ERI1: variants seen among roughly 807,000 people sequenced by gnomAD.
ERI1 encodes the protein exoribonuclease 1, also known as 3'-5' exoribonuclease 1.
In ERI1, 39 loss-of-function variants were observed where a neutral mutation model predicts 39.7. That is an observed-to-expected ratio of 0.98 (90% CI 0.76 to 1.28). ERI1 has a LOEUF of 1.28. ERI1 is among the 50% of genes most tolerant of loss of function. ERI1 has a pLI of 0.00. For synonymous variants in ERI1, 204 were observed against 149.6 expected, an observed-to-expected ratio of 1.36 and a Z score of -2.65; for missense variants, 581 against 416.9, an observed-to-expected ratio of 1.39 and a Z score of -3.43.
chr8:9,081,113 C>T (rs928770660), intron 3 of ERI1, among the ~76,000 whole-genome samples: 3 of 152,164 alleles, frequency 2.0e-5, no homozygotes, highest in African/African-American at 7.2e-5. Flanking sequence ...AAAGCAGGGA[C>T]AACTGTCATT....
chr8:9,083,655 G>C (rs1799436143), intron 3 of ERI1, among the ~76,000 whole-genome samples: 1 of 151,814 alleles, frequency 6.6e-6, no homozygotes, highest in Admixed American at 6.6e-5. Flanking sequence ...AAAGCGGGGG[G>C]GAAGAATACT....
Position 9,094,549 on chromosome 8 carries a change from G to T in ERI1, n.300-21799G>T, listed in dbSNP as rs549403181. Among the ~76,000 whole-genome samples, 607 of 152,324 alleles carry T rather than the reference G, an allele frequency of 4.0e-3. 7 individuals carry two copies. The highest frequency in any genetic ancestry group is 6.2e-3 in the Non-Finnish European group (424 of 68,024). ...TGTTCCCTCTCCTTCTCTGTGTCCTGTGTGTTGATGGATGATGAGTTTCCA... is the reference window on the plus strand; with the variant it reads ...TGTTCCCTCTCCTTCTCTGTGTCCTTTGTGTTGATGGATGATGAGTTTCCA... On this transcript the variant is annotated intron_variant and non_coding_transcript_variant, in intron 3 of 3. Transcript: ENST00000518663.
chr8:9,042,106 C>T (rs916110992), intron 3 of ERI1, among the ~76,000 whole-genome samples: 3 of 152,128 alleles, frequency 2.0e-5, no homozygotes, highest in African/African-American at 7.2e-5. Context: ...CCAAACCCAC[C>T]TGGGGGAAAG....
At chr8:9,086,364 A>G (rs952311907) in intron 3 of ERI1, among the ~76,000 whole-genome samples, 1 of 151,992 alleles carries the variant, frequency 6.6e-6, no homozygotes, top group Non-Finnish European at 1.5e-5. Context: ...AGCCTGGGTA[A>G]TATGGCAAAA....
At chr8:9,044,390 G>C (rs1444287312) in intron 3 of ERI1, among the ~76,000 whole-genome samples, 1 of 152,092 alleles carries the variant, frequency 6.6e-6, no homozygotes, top group Non-Finnish European at 1.5e-5. Context: ...GAGGATGTGA[G>C]GAACAGAAGG....
At chr8:9,083,437 T>A (rs1799428898) in intron 3 of ERI1, among the ~76,000 whole-genome samples, 1 of 152,184 alleles carries the variant, frequency 6.6e-6, no homozygotes, top group Non-Finnish European at 1.5e-5. Flanking sequence ...CTGCTTTCGA[T>A]GCCTTATAAA....
At chr8:9,077,035 C>T (rs1455639117) in intron 3 of ERI1, among the ~76,000 whole-genome samples, 3 of 152,216 alleles carry the variant, frequency 2.0e-5, no homozygotes, top group Admixed American at 6.5e-5. Flanking sequence ...CTTCCCCTTC[C>T]AATGTACCTC....
chr8:9,093,154 T>C (rs1439551449), intron 3 of ERI1, among the ~76,000 whole-genome samples: 1 of 152,200 alleles, frequency 6.6e-6, no homozygotes, highest in Non-Finnish European at 1.5e-5. Flanking sequence ...ACAGCAGGGG[T>C]GACCAATCTT....
intron 1 of ERI1, chr8:9,004,320 T>C: frequency 9.1e-7 from 1 of 1,100,728 alleles, no homozygotes; most frequent in Non-Finnish European, 1.1e-6. Context: ...AAAATAAATT[T>C]CGAAGTTTAT....
chr8:9,035,044 G>A (rs1032316308), downstream of ERI1, among the ~76,000 whole-genome samples: 1 of 152,220 alleles, frequency 6.6e-6, no homozygotes, highest in Non-Finnish European at 1.5e-5. Context: ...TGAGGGTTGA[G>A]GGAGGTAAGG....
At position 9,029,897 on chromosome 8, in the gene ERI1, A is replaced by AT; in HGVS notation, c.914dup (p.Ala306SerfsTer10). ...TGATGACTCTAAGAATATCGCCCGA[A>AT]TAGCAGTTCGAATGCTTCAGGATGG... On this transcript the variant is annotated frameshift_variant, in exon 7 of 7. Transcript: ENST00000250263. LOFTEE classifies it high-confidence loss of function. 6.2e-7 allele frequency: 1 copy of AT among 1,614,214 alleles called. No individual in the cohort carries two copies. Among genetic ancestry groups the AT allele is most frequent in the Non-Finnish European group, 8.5e-7 (1 of 1,180,036 alleles).
At chr8:9,056,123 G>A (rs1190054854) in intron 3 of ERI1, among the ~76,000 whole-genome samples, 3 of 152,242 alleles carry the variant, frequency 2.0e-5, no homozygotes, top group Non-Finnish European at 4.4e-5. Flanking sequence ...GGTTCCTGGA[G>A]CTTCGAGGAG....
At chr8:9,049,698 G>A (rs1226406023) in intron 3 of ERI1, 4 of 152,138 alleles carry the variant, frequency 2.6e-5, no homozygotes, top group Non-Finnish European at 4.4e-5. Flanking sequence ...TCAGAAGCAT[G>A]CCCTTTGAAA....
chr8:9,023,905 TCTC>T (rs1368170587), intron 6 of ERI1, among the ~76,000 whole-genome samples: 2 of 148,658 alleles, frequency 1.3e-5, no homozygotes, highest in South Asian at 2.1e-4. Flanking sequence ...TTCAAGCAGT[TCTC>T]CTGCCTCAGC....
rs115502333 is a variant in ERI1, at chr8:9,080,747, C to G, written n.300-35601C>G. Among the ~76,000 whole-genome samples the G allele has an allele frequency of 4.7e-3, 721 of 152,256 alleles. 6 individuals are homozygous for G. Among genetic ancestry groups the G allele is most frequent in the African/African-American group, 0.017 (700 of 41,524 alleles). ...GGCCACTTCTTCATTTGCCCCTCCCCCAAGGCACCACTCTCTCGGCTCCTG... is the reference window on the plus strand; with the variant it reads ...GGCCACTTCTTCATTTGCCCCTCCCGCAAGGCACCACTCTCTCGGCTCCTG... On this transcript the variant is annotated intron_variant and non_coding_transcript_variant, in intron 3 of 3. Coordinates refer to the ERI1 transcript ENST00000518663.
intron 2 of ERI1, among the ~76,000 whole-genome samples, chr8:9,010,558 A>C (rs552947873): frequency 6.6e-6 from 1 of 152,346 alleles, no homozygotes; most frequent in African/African-American, 2.4e-5. Context: ...AGGAAAATAA[A>C]AGACTAAAAA....
chr8:9,091,162 G>C (rs137905238), intron 3 of ERI1: 1 of 152,226 alleles, frequency 6.6e-6, no homozygotes, highest in African/African-American at 2.4e-5. Context: ...TTATCTCCCT[G>C]TCGGCCCTTC....
intron 3 of ERI1, among the ~76,000 whole-genome samples, chr8:9,050,980 T>C (rs1219600833): frequency 1.3e-5 from 2 of 152,194 alleles, no homozygotes; most frequent in Non-Finnish European, 2.9e-5. Flanking sequence ...CATCTGGTTC[T>C]GATCCTGAAC....
rs766951477 is a variant in ERI1, at chr8:9,004,089, T to C, written c.108+918T>C. Reference sequence around the variant, plus strand: ...TTGTTCCCAGTGCCCCTCGCTGCCTTGTGTTCTTTGACATTGGAAAGAAGG... The same window carrying C: ...TTGTTCCCAGTGCCCCTCGCTGCCTCGTGTTCTTTGACATTGGAAAGAAGG... On this transcript the variant is annotated intron_variant, in intron 1 of 6. Coordinates refer to ENST00000250263, the MANE Select transcript of ERI1 (RefSeq NM_153332.4). 2.2e-5 allele frequency: 29 copies of C among 1,289,230 alleles called. No homozygotes were observed. In the South Asian group the frequency reaches 2.7e-4, roughly 12 times the overall value. The allele number at this position is 1,289,230 out of a possible 1,614,324, so 79.9% of individuals were successfully genotyped here.
Sources: gnomAD v4.1 joint callset for allele counts (sites outside exome capture counted in the v4.1 genomes callset) on GRCh38, gnomAD v4.1.1 for gene constraint, MANE v1.5 for transcripts, NCBI Gene and HGNC (gene_info 2026-07-23, HGNC 2026-07-21) for gene names.